EFNA5: variants seen among roughly 807,000 people sequenced by gnomAD.
EFNA5 encodes the protein ephrin-A5.
A neutral mutation model predicts 22.9 loss-of-function variants in EFNA5; 5 were observed. That is an observed-to-expected ratio of 0.22 (90% CI 0.11 to 0.46). The LOEUF is 0.46. Ranked by LOEUF, EFNA5 falls within the 20% of genes least tolerant of loss-of-function variation. The probability of loss-of-function intolerance (pLI) is 0.99; values close to 1 mark genes in which losing one functional copy is unlikely to be tolerated. For synonymous variants in EFNA5, 113 were observed against 112.2 expected (o/e 1.01, Z -0.04); for missense variants, 237 against 293.3 (o/e 0.81, Z 1.40).
intron 1 of EFNA5, among the ~76,000 whole-genome samples, chr5:107,486,434 T>TA (rs755066645): frequency 7.9e-5 from 12 of 151,318 alleles, no homozygotes; most frequent in Non-Finnish European, 1.3e-4. Context: ...ATGATAATTC[T>TA]AAAAAAAAAT....
chr5:107,447,258 T>A (rs1749422386), intron 1 of EFNA5, among the ~76,000 whole-genome samples: 2 of 152,204 alleles, frequency 1.3e-5, no homozygotes, highest in Non-Finnish European at 2.9e-5. Flanking sequence ...GTCTTCACAC[T>A]GCATTAGACT....
At chr5:107,649,279 T>A (rs1263530586) in intron 1 of EFNA5, among the ~76,000 whole-genome samples, 2 of 152,174 alleles carry the variant, frequency 1.3e-5, no homozygotes, top group African/African-American at 4.8e-5. Context: ...GGTATTTTTT[T>A]AAAAGATATT....
intron 1 of EFNA5, among the ~76,000 whole-genome samples, chr5:107,634,667 G>C (rs1165811045): frequency 1.4e-5 from 2 of 146,042 alleles, no homozygotes; most frequent in African/African-American, 4.9e-5. Context: ...TACCCACATA[G>C]GCAGACTAAG....
chr5:107,431,111 G>A lies in EFNA5; in HGVS notation c.126-3602C>T, dbSNP rs114963957. Among the ~76,000 whole-genome samples, 424 of 152,216 alleles carry A rather than the reference G, an allele frequency of 2.8e-3. 4 individuals are homozygous for A. The highest frequency in any genetic ancestry group is 4.8e-3 in the Non-Finnish European group (325 of 68,010). On this transcript the variant is annotated intron_variant, in intron 1 of 4. Transcript: ENST00000333274. ...TCTACCCTTTTAGCAGCCATACGAC[G>A]AAGAAAAGATGATGATTCACTACAG... is the stretch of plus-strand genomic sequence containing the variant.
At chr5:107,467,342 G>T (rs1160060461) in intron 1 of EFNA5, among the ~76,000 whole-genome samples, 1 of 152,072 alleles carries the variant, frequency 6.6e-6, no homozygotes, top group Admixed American at 6.6e-5. Flanking sequence ...GAAAAAAAAA[G>T]TCTCACTATA....
At chr5:107,493,157 ATTACTT>A (rs1374057346) in intron 1 of EFNA5, among the ~76,000 whole-genome samples, 1 of 151,666 alleles carries the variant, frequency 6.6e-6, no homozygotes, top group Admixed American at 6.6e-5. Context: ...CTCCAGAATA[ATTACTT>A]TTATTTGTTC....
chr5:107,521,139 G>T (rs1747587144), intron 1 of EFNA5, among the ~76,000 whole-genome samples: 1 of 152,086 alleles, frequency 6.6e-6, no homozygotes, highest in African/African-American at 2.4e-5. Flanking sequence ...TGTAGAAAGT[G>T]CATTTAATAC....
At chr5:107,569,535 A>T (rs1192528073) in intron 1 of EFNA5, among the ~76,000 whole-genome samples, 3 of 131,310 alleles carry the variant, frequency 2.3e-5, no homozygotes, top group Non-Finnish European at 4.8e-5. Flanking sequence ...ATATATTTAT[A>T]TATATATGTG....
intron 1 of EFNA5, among the ~76,000 whole-genome samples, chr5:107,514,531 C>G (rs528080705): frequency 6.6e-6 from 1 of 152,020 alleles, no homozygotes; most frequent in Non-Finnish European, 1.5e-5. Flanking sequence ...CACAACCTGA[C>G]GAGTGTGTGG....
chr5:107,560,787 C>A (rs1748519188), intron 1 of EFNA5, among the ~76,000 whole-genome samples: 1 of 152,160 alleles, frequency 6.6e-6, no homozygotes, highest in Non-Finnish European at 1.5e-5. Flanking sequence ...TCCATCGTAA[C>A]AGCGACTTGC....
At chr5:107,665,259 C>T (rs1234240842) in intron 1 of EFNA5, among the ~76,000 whole-genome samples, 1 of 152,172 alleles carries the variant, frequency 6.6e-6, no homozygotes, top group Non-Finnish European at 1.5e-5. Flanking sequence ...AAAGGAGGCG[C>T]CCATCTTTAT....
chr5:107,601,572 G>T (rs17160239), intron 1 of EFNA5, among the ~76,000 whole-genome samples: 9,705 of 152,158 alleles, frequency 0.064, 1,045 homozygotes, highest in African/African-American at 0.22. Context: ...AGGTAGATAA[G>T]GTAATGACCA....
At chr5:107,396,592 A>T (rs1747934184) in intron 2 of EFNA5, among the ~76,000 whole-genome samples, 2 of 152,268 alleles carry the variant, frequency 1.3e-5, no homozygotes, top group South Asian at 4.1e-4. Flanking sequence ...GATAGTGGTG[A>T]TTAAAAGTTA....
At chr5:107,571,368 C>T (rs542498068) in intron 1 of EFNA5, among the ~76,000 whole-genome samples, 3 of 152,232 alleles carry the variant, frequency 2.0e-5, no homozygotes, top group African/African-American at 7.2e-5. Context: ...CCCGGGGTTG[C>T]ACTGTGAACT....
intron 1 of EFNA5, among the ~76,000 whole-genome samples, chr5:107,645,218 A>G (rs1220886560): frequency 3.9e-5 from 6 of 152,186 alleles, no homozygotes. Flanking sequence ...GAAAATATAT[A>G]TCTATTATGT....
At chr5:107,432,194 G>A (rs1407706199) in intron 1 of EFNA5, among the ~76,000 whole-genome samples, 2 of 152,180 alleles carry the variant, frequency 1.3e-5, no homozygotes, top group Admixed American at 6.5e-5. Flanking sequence ...AGATTGCAGG[G>A]TTAGCTCCTG....
At chr5:107,669,819 C>A (rs1383355392) in intron 1 of EFNA5, among the ~76,000 whole-genome samples, 2 of 152,052 alleles carry the variant, frequency 1.3e-5, no homozygotes, top group Admixed American at 6.5e-5. Flanking sequence ...CACCTTGAAC[C>A]CACTGGGGTG....
chr5:107,605,361 G>A (rs1345626172), intron 1 of EFNA5, among the ~76,000 whole-genome samples: 1 of 152,056 alleles, frequency 6.6e-6, no homozygotes, highest in African/African-American at 2.4e-5. Flanking sequence ...AAGAGAATGA[G>A]GTAAACCTTT....
chr5:107,466,325 A>G (rs868403547), intron 1 of EFNA5, among the ~76,000 whole-genome samples: 4 of 152,096 alleles, frequency 2.6e-5, no homozygotes, highest in African/African-American at 9.7e-5. Context: ...TTGCAGAGAT[A>G]ATACTTCATC....
Sources: allele counts gnomAD v4.1 joint callset (sites outside exome capture counted in the v4.1 genomes callset), GRCh38; gene constraint gnomAD v4.1.1; transcripts MANE v1.5; gene names NCBI Gene and HGNC (gene_info 2026-07-23, HGNC 2026-07-21).